ADGRB3: variants seen among roughly 807,000 people sequenced by gnomAD.
ADGRB3 encodes the protein adhesion G protein-coupled receptor B3, also known as brain-specific angiogenesis inhibitor 3.
In ADGRB3, 37 loss-of-function variants were observed where a neutral mutation model predicts 193.4. That is an observed-to-expected ratio of 0.19 (90% CI 0.15 to 0.25). ADGRB3 has a LOEUF of 0.25. ADGRB3 is among the 10% of genes least tolerant of loss of function. The pLI is 1.00. For missense variants in ADGRB3, 1,637 were observed against 1,852.9 expected, an observed-to-expected ratio of 0.88 and a Z score of 2.14; for synonymous variants, 690 against 644.2, an observed-to-expected ratio of 1.07 and a Z score of -1.08.
chr6:68,807,455 T>C (rs1394405836), intron 3 of ADGRB3, among the ~76,000 whole-genome samples: 1 of 151,966 alleles, frequency 6.6e-6, no homozygotes, highest in Non-Finnish European at 1.5e-5. Flanking sequence ...TTAGCCAGGA[T>C]GGTCTCGATC....
chr6:69,369,892 C>T (rs1010978230), intron 29 of ADGRB3, among the ~76,000 whole-genome samples: 13 of 151,956 alleles, frequency 8.6e-5, no homozygotes, highest in African/African-American at 2.9e-4. Context: ...ATGCAATTGA[C>T]AAGTAAAAGT....
chr6:68,843,217 G>T (rs1032978346), intron 3 of ADGRB3, among the ~76,000 whole-genome samples: 1 of 151,876 alleles, frequency 6.6e-6, no homozygotes, highest in African/African-American at 2.4e-5. Flanking sequence ...CATCCAAATT[G>T]GAAGGGAAGG....
chr6:69,345,397 C>T (rs981900186), intron 26 of ADGRB3, among the ~76,000 whole-genome samples: 1 of 152,090 alleles, frequency 6.6e-6, no homozygotes, highest in Non-Finnish European at 1.5e-5. Flanking sequence ...AAAAAACTTA[C>T]CCACTTTGAT....
chr6:69,219,482 T>TATATAC (rs1765845685), intron 17 of ADGRB3, among the ~76,000 whole-genome samples: 3 of 80,200 alleles, frequency 3.7e-5, no homozygotes, highest in Non-Finnish European at 7.1e-5. Flanking sequence ...TATATATATA[T>TATATAC]ATATATATAT....
intron 13 of ADGRB3, among the ~76,000 whole-genome samples, chr6:69,025,018 G>C (rs1208250861): frequency 6.6e-6 from 1 of 151,756 alleles, no homozygotes; most frequent in Non-Finnish European, 1.5e-5. Context: ...CGTGAACCCG[G>C]CAGGCTGAGC....
intron 17 of ADGRB3, among the ~76,000 whole-genome samples, chr6:69,082,894 T>G (rs1772428014): frequency 6.6e-6 from 1 of 152,204 alleles, no homozygotes. Flanking sequence ...AAAAGTGCAT[T>G]CCTCCAAAAA....
chr6:68,948,839 A>G (rs1216223370), intron 6 of ADGRB3, among the ~76,000 whole-genome samples: 1 of 152,094 alleles, frequency 6.6e-6, no homozygotes, highest in Non-Finnish European at 1.5e-5. Context: ...ATACTGACAT[A>G]TATATATAAA....
rs1185203654 is a variant in ADGRB3 at position 69,327,864 on chromosome 6, A to T, written c.3010A>T (p.Thr1004Ser). 4.3e-6 allele frequency: 7 copies of T among 1,610,632 alleles called. No homozygotes were observed. Among genetic ancestry groups the T allele is most frequent in the Non-Finnish European group, 5.1e-6 (6 of 1,177,414 alleles). The change falls in exon 22 of 32, where the codon ACA (threonine) becomes TCA (serine). Residue 1004 changes from threonine to serine, a missense_variant. By Grantham distance (58) the Thr-to-Ser change is moderately conservative. Coordinates refer to ENST00000370598, the MANE Select transcript of ADGRB3 (RefSeq NM_001704.3). ...GGCCACATCAGTAGGCTTCACCAGA[A>T]CAAAAGGATATGGCACTGATCACTA... ...VVATSVGFTR[T>S]KGYGTDHYCW...
chr6:69,131,209 C>T (rs932890506), intron 17 of ADGRB3, among the ~76,000 whole-genome samples: 1 of 151,974 alleles, frequency 6.6e-6, no homozygotes, highest in Admixed American at 6.6e-5. Context: ...GAAGTCAAAG[C>T]AAGTCATGAA....
intron 17 of ADGRB3, among the ~76,000 whole-genome samples, chr6:69,158,133 A>T (rs1774893918): frequency 1.3e-5 from 2 of 152,128 alleles, no homozygotes; most frequent in African/African-American, 4.8e-5. Context: ...AGCATTTATG[A>T]TGATTTTCTT....
chr6:68,710,103 C>A (rs984358220), intron 3 of ADGRB3, among the ~76,000 whole-genome samples: 2 of 152,192 alleles, frequency 1.3e-5, no homozygotes, highest in Non-Finnish European at 2.9e-5. Context: ...TGGTCCAGCT[C>A]CAGAGCTCAT....
intron 17 of ADGRB3, among the ~76,000 whole-genome samples, chr6:69,200,272 G>C (rs1278262530): frequency 6.6e-6 from 1 of 151,978 alleles, no homozygotes; most frequent in Non-Finnish European, 1.5e-5. Flanking sequence ...CAACCATTTT[G>C]GTAGGGATAA....
intron 3 of ADGRB3, among the ~76,000 whole-genome samples, chr6:68,746,133 A>G (rs1180576789): frequency 1.3e-5 from 2 of 152,074 alleles, no homozygotes; most frequent in Non-Finnish European, 2.9e-5. Context: ...ATAGAGCTTG[A>G]AAATATCCTT....
intron 3 of ADGRB3, among the ~76,000 whole-genome samples, chr6:68,690,123 T>C (rs1765047982): frequency 6.6e-6 from 1 of 152,154 alleles, no homozygotes; most frequent in Non-Finnish European, 1.5e-5. Flanking sequence ...AGTGAGCAAG[T>C]AGGGTTGTCT....
chr6:69,124,550 C>T (rs1288121694), intron 17 of ADGRB3, among the ~76,000 whole-genome samples: 1 of 152,134 alleles, frequency 6.6e-6, no homozygotes, highest in Non-Finnish European at 1.5e-5. Flanking sequence ...GTCGGGTTTA[C>T]ATACTTTATA....
intron 26 of ADGRB3, among the ~76,000 whole-genome samples, chr6:69,342,975 G>C (rs1769007171): frequency 6.6e-6 from 1 of 151,664 alleles, no homozygotes; most frequent in South Asian, 2.1e-4. Context: ...TCTAATGACT[G>C]TCCCAATATG....
intron 17 of ADGRB3, among the ~76,000 whole-genome samples, chr6:69,183,874 C>T (rs1364802952): frequency 6.6e-6 from 1 of 152,008 alleles, no homozygotes; most frequent in Non-Finnish European, 1.5e-5. Context: ...GTTTCCGGGA[C>T]ATGGACAATG....
At chr6:69,185,468 C>T (rs1476789119) in intron 17 of ADGRB3, among the ~76,000 whole-genome samples, 2 of 152,136 alleles carry the variant, frequency 1.3e-5, no homozygotes, top group Admixed American at 6.6e-5. Context: ...GGAACATTTT[C>T]AGCACAGAAC....
chr6:68,854,470 T>G (rs1053638390), intron 3 of ADGRB3, among the ~76,000 whole-genome samples: 5 of 152,202 alleles, frequency 3.3e-5, no homozygotes, highest in African/African-American at 1.2e-4. Flanking sequence ...GTATATGTAC[T>G]TTCAAATATC....
Sources: allele counts gnomAD v4.1 joint callset (sites outside exome capture counted in the v4.1 genomes callset), GRCh38; gene constraint gnomAD v4.1.1; transcripts MANE v1.5; gene names NCBI Gene and HGNC (gene_info 2026-07-23, HGNC 2026-07-21).